DRD4: variants seen among roughly 807,000 people sequenced by gnomAD.
DRD4 encodes D(4) dopamine receptor.
A neutral mutation model predicts 22.1 loss-of-function variants in DRD4; 26 were observed. That is an observed-to-expected ratio of 1.17 (90% CI 0.86 to 1.63). The LOEUF is 1.63. DRD4 is among the 40% of genes most tolerant of loss of function. DRD4 has a pLI of 0.00. For missense variants in DRD4, 913 were observed against 632.4 expected (o/e 1.44, Z -4.76); for synonymous variants, 455 against 306.7 (o/e 1.48, Z -5.05).
chr11:640,686 T>C lies in DRD4; in HGVS notation c.*83T>C. ...TGGGGAGGGCGCTTTTGTACGTTAA[T>C]TAAACAAATTCCTTCCCAAACTCAG... is the stretch of plus-strand genomic sequence containing the variant. On this transcript the variant is annotated 3_prime_UTR_variant, in exon 4 of 4. Coordinates refer to ENST00000176183, the MANE Select transcript of DRD4 (RefSeq NM_000797.4). 1 of 1,498,444 alleles carries C rather than the reference T, an allele frequency of 6.7e-7. No homozygotes were observed. Among genetic ancestry groups the C allele is most frequent in the Non-Finnish European group, 9.1e-7 (1 of 1,098,222 alleles). 92.8% of individuals were successfully genotyped at this position (1,498,444 alleles called of 1,614,324 possible).
In DRD4 at chr11:640,577, C is replaced by T. The variant is rs373483649; in HGVS notation, c.1234C>T (p.Arg412Cys). 1.0e-5 allele frequency: 16 copies of T among 1,599,834 alleles called. No homozygotes were observed. Among genetic ancestry groups the T allele is most frequent in the East Asian group, 2.2e-5 (1 of 44,882 alleles). ...CAACGCCGAGTTCCGCAACGTCTTC[C>T]GCAAGGCCCTGCGTGCCTGCTGCTG... Reference protein sequence around the residue: ...VFNAEFRNVFRKALRACC With the variant: ...VFNAEFRNVFCKALRACC Residue 412 changes from arginine (R) to cysteine (C), a missense_variant, in exon 4 of 4, where the codon CGC (arginine) becomes TGC (cysteine). Transcript: ENST00000176183.
Position 640,692 on chromosome 11 carries a change from A to G in DRD4, c.*89A>G. On this transcript the variant is annotated 3_prime_UTR_variant, in exon 4 of 4. Transcript: ENST00000176183. The stretch of plus-strand genomic sequence containing the variant: ...GGGCGCTTTTGTACGTTAATTAAAC[A>G]AATTCCTTCCCAAACTCAGCTGTGA... The G allele has an allele frequency of 6.8e-7, 1 of 1,474,688 alleles. No individual in the cohort carries two copies. Among genetic ancestry groups the G allele is most frequent in the Non-Finnish European group, 9.3e-7 (1 of 1,079,860 alleles). 91.4% of individuals were successfully genotyped at this position (1,474,688 alleles called of 1,614,324 possible).
Position 640,435 on chromosome 11 carries a change from G to T in DRD4, c.1092G>T (p.Val364=). 1 of 1,601,108 alleles carries T rather than the reference G, an allele frequency of 6.2e-7. No individual in the cohort carries two copies. Among genetic ancestry groups the T allele is most frequent in the South Asian group, 1.1e-5 (1 of 91,056 alleles). Residue 364 remains valine, a synonymous_variant, in exon 4 of 4, where the codon GTG becomes GTT. Coordinates refer to ENST00000176183, the MANE Select transcript of DRD4 (RefSeq NM_000797.4). ...AFLLCWTPFF[V]VHITQALCPA... ...TGCTGTGCTGGACGCCCTTCTTCGT[G>T]GTGCACATCACGCAGGCGCTGTGTC...
Position 640,039 on chromosome 11 carries a change from C to A in DRD4, c.790C>A (p.Pro264Thr). The A allele has an allele frequency of 8.4e-7, 1 of 1,196,394 alleles. No homozygotes were observed. The highest frequency in any genetic ancestry group is 1.0e-6 in the Non-Finnish European group (1 of 959,394). The allele number at this position is 1,196,394 out of a possible 1,614,324, so 74.1% of individuals were successfully genotyped here. The change falls in exon 3 of 4, where the codon CCC becomes ACC. Residue 264 changes from proline (P) to threonine (T), a missense_variant. By Grantham distance (38) the Pro-to-Thr change is conservative (BLOSUM62 -1). Transcript: ENST00000176183. Reference sequence around the variant, plus strand: ...GGACCCCTGCGGCCCCGACTGTGCGCCCCCCGCGCCCGGCCTTCCCCGGGG... The same window carrying A: ...GGACCCCTGCGGCCCCGACTGTGCGACCCCCGCGCCCGGCCTTCCCCGGGG... ...PQDPCGPDCA[P>T]PAPGLPRGPC...
In DRD4 at chr11:639,746, T is replaced by G. The variant is rs760456908; in HGVS notation, c.497T>G (p.Val166Gly). 8 of 1,538,820 alleles carry G rather than the reference T, an allele frequency of 5.2e-6. No individual in the cohort carries two copies. In the South Asian group the frequency reaches 9.4e-5, roughly 18 times the overall value. Residue 166 changes from valine (V) to glycine (G), a missense_variant, in exon 3 of 4, where the codon GTG becomes GGG. Physicochemically the swap from Val to Gly is moderately radical, Grantham distance 109. Transcript: ENST00000176183. ...GCCACGTGGCTGCTGTCCGCGGCGG[T>G]GGCGGCGCCCGTACTGTGCGGCCTC... ...IGATWLLSAA[V>G]AAPVLCGLND...
In DRD4 at chr11:640,167, CGGCTCCAACTGT is replaced by C. The variant is rs1858193989; in HGVS notation, c.920_931del (p.Gly307_Cys310del). The stretch of plus-strand genomic sequence containing the variant: ...CGCCCGGCCTCCCCCCGGACCCCTG[CGGCTCCAACTGT>C]GCTCCCCCCGACGCCGTCAGAGCCG... On this transcript the variant is annotated inframe_deletion, in exon 3 of 4. Coordinates refer to ENST00000176183, the MANE Select transcript of DRD4 (RefSeq NM_000797.4). The C allele has an allele frequency of 1.5e-5, 23 of 1,520,836 alleles. No homozygotes were observed. The highest frequency in any genetic ancestry group is 2.0e-5 in the Non-Finnish European group (23 of 1,140,048). The allele number at this position is 1,520,836 out of a possible 1,614,324, so 94.2% of individuals were successfully genotyped here.
Position 639,442 on chromosome 11 carries a change from G to A in DRD4, c.295G>A (p.Gly99Ser). Residue 99 changes from glycine (G) to serine (S), a missense_variant, in exon 2 of 4, where the codon GGC becomes AGC. Coordinates refer to ENST00000176183, the MANE Select transcript of DRD4 (RefSeq NM_000797.4). The part of the protein sequence containing the change: ...PLFVYSEVQG[G>S]AWLLSPRLCD... ...TGGTGTCGCCGCGCAGGTCCAGGGT[G>A]GCGCGTGGCTGCTGAGCCCCCGCCT... is the stretch of plus-strand genomic sequence containing the variant. 5.6e-6 allele frequency: 9 copies of A among 1,593,468 alleles called. No individual in the cohort carries two copies. The highest frequency in any genetic ancestry group is 7.6e-6 in the Non-Finnish European group (9 of 1,176,518).
chr11:637,445 G>A lies in DRD4; in HGVS notation c.141G>A (p.Ala47=). The A allele has an allele frequency of 6.5e-6, 10 of 1,533,150 alleles. No homozygotes were observed. Among genetic ancestry groups the A allele is most frequent in the Non-Finnish European group, 8.7e-6 (10 of 1,145,648 alleles). 95.0% of individuals were successfully genotyped at this position (1,533,150 alleles called of 1,614,324 possible). Residue 47 remains alanine, a synonymous_variant, in exon 1 of 4, where the codon GCG becomes GCA. Coordinates refer to ENST00000176183, the MANE Select transcript of DRD4 (RefSeq NM_000797.4). ...ALVGGVLLIG[A]VLAGNSLVCV... ...TGGGGGGCGTGCTGCTCATCGGCGC[G>A]GTGCTCGCGGGGAACTCGCTCGTGT...
chr11:639,991 C>T lies in DRD4; in HGVS notation c.742C>T (p.Pro248Ser). The change falls in exon 3 of 4, where the codon CCA (proline) becomes TCA (serine). Residue 248 changes from proline to serine, a missense_variant. Coordinates refer to ENST00000176183, the MANE Select transcript of DRD4 (RefSeq NM_000797.4). ...PSGPGPPSPT[P>S]PAPRLPQDPC... is the part of the protein sequence containing the mutation. ...CGGCCCTGGCCCGCCTTCCCCCACG[C>T]CACCCGCGCCCCGCCTCCCCCAGGA... 1 of 1,321,902 alleles carries T rather than the reference C, an allele frequency of 7.6e-7. No individual in the cohort carries two copies. 81.9% of individuals were successfully genotyped at this position (1,321,902 alleles called of 1,614,324 possible). A position where few individuals can be genotyped will look rare whatever the true frequency, so the allele number is the denominator to read the frequency against.
intron 1 of DRD4, 175 bp from the exon 2 acceptor site, chr11:639,258 A>C (rs1858140382): frequency 1.2e-5 from 8 of 641,396 alleles, no homozygotes; most frequent in Non-Finnish European, 2.2e-5. Context: ...CTAACTCAAA[A>C]CAAAGGGAGA....
Position 640,036 on chromosome 11 carries a change from GCGCCCCCCGCGCCCGGC to G in DRD4, c.789_805del (p.Pro264SerfsTer180). 8.4e-7 allele frequency: 1 copy of G among 1,193,314 alleles called. No homozygotes were observed. Among genetic ancestry groups the G allele is most frequent in the Non-Finnish European group, 1.0e-6 (1 of 957,932 alleles). 73.9% of individuals were successfully genotyped at this position (1,193,314 alleles called of 1,614,324 possible). On this transcript the variant is annotated frameshift_variant, in exon 3 of 4. Coordinates refer to ENST00000176183, the MANE Select transcript of DRD4 (RefSeq NM_000797.4). LOFTEE classifies it high-confidence loss of function. ...CCAGGACCCCTGCGGCCCCGACTGT[GCGCCCCCCGCGCCCGGC>G]CTTCCCCGGGGTCCCTGCGGCCCCG...
In DRD4 at chr11:640,183, C is replaced by T. The variant is rs780003868; in HGVS notation, c.934C>T (p.Pro312Ser). The T allele has an allele frequency of 1.5e-5, 23 of 1,529,788 alleles. No individual in the cohort carries two copies. Among genetic ancestry groups the T allele is most frequent in the African/African-American group, 1.1e-4 (8 of 72,796 alleles). The allele number at this position is 1,529,788 out of a possible 1,614,324, so 94.8% of individuals were successfully genotyped here. The stretch of plus-strand genomic sequence containing the variant: ...GGACCCCTGCGGCTCCAACTGTGCT[C>T]CCCCCGACGCCGTCAGAGCCGCCGC... ...PPDPCGSNCAPPDAVRAAALP... is the reference protein window; with the variant it reads ...PPDPCGSNCASPDAVRAAALP... The change falls in exon 3 of 4, where the codon CCC (proline) becomes TCC (serine). Residue 312 changes from proline to serine, a missense_variant. Pro to Ser is a moderately conservative substitution (Grantham distance 74). Transcript: ENST00000176183.
In DRD4 at chr11:640,628, G is replaced by A. The variant is rs770981157; in HGVS notation, c.*25G>A. The stretch of plus-strand genomic sequence containing the variant: ...AGCCGGGCACCCCCGGACGCCCCCC[G>A]GCCTGATGGCCAGGCCTCAGGGACC... On this transcript the variant is annotated 3_prime_UTR_variant, in exon 4 of 4. Transcript: ENST00000176183. The A allele has an allele frequency of 1.9e-5, 30 of 1,598,446 alleles. No homozygotes were observed. The highest frequency in any genetic ancestry group is 3.3e-5 in the South Asian group (3 of 91,046).
rs760672375 is a variant in DRD4 at position 639,786 on chromosome 11, C to T, written c.537C>T (p.Gly179=). ...TGTGCGGCCTCAACGACGTGCGCGGCCGCGACCCCGCCGTGTGCCGCCTGG... is the reference window on the plus strand; with the variant it reads ...TGTGCGGCCTCAACGACGTGCGCGGTCGCGACCCCGCCGTGTGCCGCCTGG... ...PVLCGLNDVR[G]RDPAVCRLED... is the part of the protein sequence containing the mutation. The change falls in exon 3 of 4, where the codon GGC becomes GGT. Residue 179 remains glycine, a synonymous_variant. Transcript: ENST00000176183. 1.0e-5 allele frequency: 16 copies of T among 1,578,602 alleles called. No individual in the cohort carries two copies. The South Asian group carries it at 1.7e-4, about 17-fold the overall frequency.
At chr11:638,105 C>CAGGGG (rs1423081126) in intron 1 of DRD4, among the ~76,000 whole-genome samples, 2 of 152,318 alleles carry the variant, frequency 1.3e-5, no homozygotes, top group South Asian at 4.1e-4. Context: ...GGACAAAACC[C>CAGGGG]AGGGGAGGGG....
chr11:638,245 C>A (rs940361402), intron 1 of DRD4, among the ~76,000 whole-genome samples: 1 of 152,158 alleles, frequency 6.6e-6, no homozygotes, highest in Non-Finnish European at 1.5e-5. Flanking sequence ...AGCCCCTCTG[C>A]GGCCAGAGAA....
chr11:637,361 C>T lies in DRD4; in HGVS notation c.57C>T (p.Ala19=), dbSNP rs890861964. The T allele has an allele frequency of 5.3e-6, 7 of 1,316,080 alleles. No individual in the cohort carries two copies. The highest frequency in any genetic ancestry group is 4.4e-5 in the South Asian group (2 of 45,462). 81.5% of individuals were successfully genotyped at this position (1,316,080 alleles called of 1,614,324 possible). A position where few individuals can be genotyped will look rare whatever the true frequency, so the allele number is the denominator to read the frequency against. ...GGCTGCTGGCTGGGCGCGGGCCGGC[C>T]GCGGGGGCATCTGCGGGGGCATCTG... ...ADGLLAGRGP[A]AGASAGASAG... The change falls in exon 1 of 4, where the codon GCC becomes GCT. Residue 19 remains alanine, a synonymous_variant. Transcript: ENST00000176183.
At chr11:638,969 C>G (rs1157550213) in intron 1 of DRD4, 1 of 166,834 alleles carries the variant, frequency 6.0e-6, no homozygotes, top group Non-Finnish European at 1.3e-5. Flanking sequence ...GTTGTCCCAG[C>G]TATTCGGGGG....
rs758282163 is a variant in DRD4 at position 640,480 on chromosome 11, G to A, written c.1137G>A (p.Pro379=). 3.1e-6 allele frequency: 5 copies of A among 1,602,122 alleles called. No homozygotes were observed. In the African/African-American group the frequency reaches 4.0e-5, roughly 13 times the overall value. Residue 379 remains proline (P), a synonymous_variant, in exon 4 of 4, where the codon CCG becomes CCA. Coordinates refer to ENST00000176183, the MANE Select transcript of DRD4 (RefSeq NM_000797.4). The part of the protein sequence containing the change: ...QALCPACSVP[P]RLVSAVTWLG... ...TGTGTCCTGCCTGCTCCGTGCCCCC[G>A]CGGCTGGTCAGCGCCGTCACCTGGC... is the stretch of plus-strand genomic sequence containing the variant.
Sources: allele counts gnomAD v4.1 joint callset (sites outside exome capture counted in the v4.1 genomes callset), GRCh38; gene constraint gnomAD v4.1.1; transcripts MANE v1.5; gene names NCBI Gene and HGNC (gene_info 2026-07-23, HGNC 2026-07-21).